The following PDE4D variants were observed in gnomAD, a reference collection of about 807,000 sequenced individuals.
PDE4D encodes phosphodiesterase 4D.
In PDE4D, 24 loss-of-function variants were observed where a neutral mutation model predicts 87.4. That is an observed-to-expected ratio of 0.27 (90% confidence interval 0.20 to 0.39). PDE4D has a LOEUF of 0.39. PDE4D is among the 10% of genes least tolerant of loss of function. PDE4D has a pLI of 1.00. For missense variants in PDE4D, 714 were observed against 1,041.0 expected, an observed-to-expected ratio of 0.69 and a Z score of 4.32; for synonymous variants, 384 against 383.2, an observed-to-expected ratio of 1.00 and a Z score of -0.02.
intron 1 of PDE4D, among the ~76,000 whole-genome samples, chr5:59,602,758 A>G (rs295951): frequency 0.86 from 131,296 of 152,184 alleles, 56,698 homozygotes; most frequent in South Asian, 0.93. Flanking sequence ...GAACAATGCC[A>G]AAGGCATCAC....
chr5:60,392,096 T>A (rs1442029839), intron 1 of PDE4D, among the ~76,000 whole-genome samples: 2 of 152,198 alleles, frequency 1.3e-5, no homozygotes, highest in Non-Finnish European at 2.9e-5. Context: ...TAAAATGAAT[T>A]GTGGAGAAAT....
chr5:59,946,659 A>G (rs916506453), intron 3 of PDE4D, among the ~76,000 whole-genome samples: 1 of 152,232 alleles, frequency 6.6e-6, no homozygotes, highest in African/African-American at 2.4e-5. Flanking sequence ...AGGTTTTAAC[A>G]GTGAGGGGCT....
At chr5:60,116,654 C>T (rs1047546035) in intron 2 of PDE4D, among the ~76,000 whole-genome samples, 2 of 151,642 alleles carry the variant, frequency 1.3e-5, no homozygotes, top group Non-Finnish European at 2.9e-5. Context: ...TGGGAAAATT[C>T]GGTTGGTGCT....
intron 2 of PDE4D, among the ~76,000 whole-genome samples, chr5:60,017,698 G>T (rs1765658797): frequency 6.6e-6 from 1 of 152,060 alleles, no homozygotes; most frequent in Admixed American, 6.6e-5. Flanking sequence ...GTCTATCATT[G>T]GTGGGCATTT....
intron 1 of PDE4D, among the ~76,000 whole-genome samples, chr5:59,242,994 C>T (rs949773488): frequency 2.0e-5 from 3 of 152,084 alleles, no homozygotes; most frequent in Admixed American, 1.3e-4. Context: ...AAGATCAGGA[C>T]TCTACATTTA....
intron 1 of PDE4D, among the ~76,000 whole-genome samples, chr5:59,741,942 C>T (rs1027682369): frequency 2.6e-5 from 4 of 152,080 alleles, no homozygotes; most frequent in African/African-American, 9.7e-5. Context: ...TCTGGCCCTA[C>T]CTTCTCTGGA....
At chr5:59,861,617 G>T (rs1165224612) in intron 1 of PDE4D, among the ~76,000 whole-genome samples, 1 of 152,164 alleles carries the variant, frequency 6.6e-6, no homozygotes, top group Non-Finnish European at 1.5e-5. Flanking sequence ...CAGAAAATTT[G>T]CATTCCTGTT....
intron 2 of PDE4D, among the ~76,000 whole-genome samples, chr5:60,108,208 AG>A (rs1777245761): frequency 6.6e-6 from 1 of 151,876 alleles, no homozygotes; most frequent in Non-Finnish European, 1.5e-5. Flanking sequence ...ATTCTTATAC[AG>A]CAACAACAGA....
intron 1 of PDE4D, among the ~76,000 whole-genome samples, chr5:59,512,375 G>C (rs1363528423): frequency 2.0e-5 from 3 of 152,110 alleles, no homozygotes; most frequent in African/African-American, 7.2e-5. Context: ...CAGAATCACT[G>C]ATCAATCAAC....
rs541757728 is a variant in PDE4D, at chr5:59,944,371, G to A, written c.272+44117C>T. Reference sequence around the variant, plus strand: ...GCATGCTTTTTTTTTGTTTTTGTTCGTTTGTTTGTTTGTTGTTTTGAGACG... The same window carrying A: ...GCATGCTTTTTTTTTGTTTTTGTTCATTTGTTTGTTTGTTGTTTTGAGACG... On this transcript the variant is annotated intron_variant, in intron 3 of 16. Transcript: ENST00000502484. Among the ~76,000 whole-genome samples, 12 of 150,404 alleles carry A rather than the reference G, an allele frequency of 8.0e-5. No homozygotes were observed. In the South Asian group the frequency reaches 2.3e-3, roughly 29 times the overall value.
upstream of PDE4D, chr5:60,490,340 G>C (rs1323470006): frequency 1.3e-5 from 2 of 152,098 alleles, no homozygotes; most frequent in Non-Finnish European, 2.9e-5. Context: ...CACATAGCAG[G>C]GGCAACCTCA....
intron 1 of PDE4D, among the ~76,000 whole-genome samples, chr5:59,762,853 G>GGATATA (rs1762307247): frequency 2.9e-5 from 1 of 34,564 alleles, no homozygotes; most frequent in Non-Finnish European, 5.8e-5. Flanking sequence ...AACTGCTTAA[G>GGATATA]GATATATATA....
At chr5:59,135,620 A>G (rs140680738) in intron 5 of PDE4D, among the ~76,000 whole-genome samples, 37 of 152,302 alleles carry the variant, frequency 2.4e-4, no homozygotes, top group African/African-American at 7.9e-4. Context: ...ATGAACTCCA[A>G]ATAATCCACG....
In PDE4D at chr5:59,940,638, T is replaced by C. The variant is rs958456407; in HGVS notation, c.272+47850A>G. ...TAGAGGGAGTTAATTTTTGGTAGTA[T>C]TTAATCAAAAGTGCCTTTGAGACAT... On this transcript the variant is annotated intron_variant, in intron 3 of 16. Coordinates refer to the PDE4D transcript ENST00000502484. Among the ~76,000 whole-genome samples the C allele has an allele frequency of 5.9e-5, 9 of 152,146 alleles. No individual in the cohort carries two copies. In the South Asian group the frequency reaches 1.9e-3, roughly 32 times the overall value.
intron 1 of PDE4D, among the ~76,000 whole-genome samples, chr5:59,604,712 G>C (rs1399297060): frequency 6.6e-6 from 1 of 151,852 alleles, no homozygotes; most frequent in African/African-American, 2.4e-5. Flanking sequence ...ACTACAATGA[G>C]GTATTTTGCC....
At chr5:59,260,532 T>G (rs1220044194) in intron 1 of PDE4D, among the ~76,000 whole-genome samples, 2 of 151,876 alleles carry the variant, frequency 1.3e-5, no homozygotes, top group Non-Finnish European at 2.9e-5. Context: ...TTTGAACAAA[T>G]TATCCATCTT....
intron 1 of PDE4D, among the ~76,000 whole-genome samples, chr5:59,319,696 T>C (rs1774378351): frequency 1.3e-5 from 2 of 152,184 alleles, no homozygotes; most frequent in Non-Finnish European, 2.9e-5. Context: ...GATATAGTTA[T>C]GTCTTTTGGA....
At chr5:59,148,754 G>GGTGTGTGTGTGTGTGT (rs3061422) in intron 5 of PDE4D, among the ~76,000 whole-genome samples, 24 of 145,482 alleles carry the variant, frequency 1.6e-4, no homozygotes, top group Non-Finnish European at 3.5e-4. Context: ...AATATATAGC[G>GGTGTGTGTGTGTGTGT]GTGTGTGTGT....
intron 3 of PDE4D, among the ~76,000 whole-genome samples, chr5:59,979,958 G>C (rs1405011918): frequency 6.6e-6 from 1 of 152,034 alleles, no homozygotes; most frequent in Non-Finnish European, 1.5e-5. Context: ...GAGAAAAAAA[G>C]TTTGATTACT....
Sources: gnomAD v4.1 joint callset for allele counts (sites outside exome capture counted in the v4.1 genomes callset) on GRCh38, gnomAD v4.1.1 for gene constraint, MANE v1.5 for transcripts, NCBI Gene and HGNC (gene_info 2026-07-23, HGNC 2026-07-21) for gene names.